The following PPTC7 variants were observed in gnomAD, a reference collection of about 807,000 sequenced individuals.
The protein encoded by PPTC7 is protein phosphatase PTC7 homolog.
PPTC7 carries 6 observed loss-of-function variants against 30.8 expected under a neutral mutation model. The observed-to-expected ratio is 0.19, with a 90% CI of 0.11 to 0.38. PPTC7 has a LOEUF of 0.38. Ranked by LOEUF, PPTC7 falls within the 10% of genes least tolerant of loss-of-function variation. PPTC7 has a pLI of 1.00. For missense variants in PPTC7, 218 were observed against 404.8 expected, an observed-to-expected ratio of 0.54 and a Z score of 3.96; for synonymous variants, 163 against 168.1, an observed-to-expected ratio of 0.97 and a Z score of 0.23.
intron 1 of PPTC7, among the ~76,000 whole-genome samples, chr12:110,580,395 G>A (rs2064626634): frequency 6.6e-6 from 1 of 152,184 alleles, no homozygotes. Context: ...CTGGAGTGCA[G>A]TGGTGTGATC....
chr12:110,551,440 G>A (rs1018070207), intron 2 of PPTC7, among the ~76,000 whole-genome samples: 8 of 152,260 alleles, frequency 5.3e-5, no homozygotes, highest in African/African-American at 1.9e-4. Context: ...CCACCTCCCG[G>A]GGTTCAAGTG....
At position 110,536,647 on chromosome 12, in the gene PPTC7, TTG is replaced by T. The variant is rs2064220413; in HGVS notation, c.*388_*389del. 5.7e-6 allele frequency: 1 copy of T among 176,122 alleles called. No individual in the cohort carries two copies. Among genetic ancestry groups the T allele is most frequent in the Non-Finnish European group, 1.2e-5 (1 of 84,300 alleles). 10.9% of individuals were successfully genotyped at this position (176,122 alleles called of 1,614,324 possible). A position where few individuals can be genotyped will look rare whatever the true frequency, so the allele number is the denominator to read the frequency against. On this transcript the variant is annotated 3_prime_UTR_variant, in exon 6 of 6. Coordinates refer to ENST00000354300, the MANE Select transcript of PPTC7 (RefSeq NM_139283.2). Reference sequence around the variant, plus strand: ...TAGTAGATGTATCATTACGTACAATTTGTGTTAGACTTGTACCATCCCTTTAG... The same window carrying T: ...TAGTAGATGTATCATTACGTACAATTTGTTAGACTTGTACCATCCCTTTAG...
Position 110,583,038 on chromosome 12 carries a change from C to T in PPTC7, c.-7G>A. ...ACGAGAGGACCGAGAACATCGCCGCCGCCGCCCCCCCGAGGAGGCGGGGGG... is the reference window on the plus strand; with the variant it reads ...ACGAGAGGACCGAGAACATCGCCGCTGCCGCCCCCCCGAGGAGGCGGGGGG... On this transcript the variant is annotated 5_prime_UTR_variant, in exon 1 of 6. Coordinates refer to ENST00000354300, the MANE Select transcript of PPTC7 (RefSeq NM_139283.2). The T allele has an allele frequency of 7.2e-7, 1 of 1,395,258 alleles. No homozygotes were observed. Among genetic ancestry groups the T allele is most frequent in the South Asian group, 1.6e-5 (1 of 61,636 alleles). 86.4% of individuals were successfully genotyped at this position (1,395,258 alleles called of 1,614,324 possible). A position where few individuals can be genotyped will look rare whatever the true frequency, so the allele number is the denominator to read the frequency against.
chr12:110,573,238 T>C (rs1012402696), intron 1 of PPTC7, among the ~76,000 whole-genome samples: 1 of 152,176 alleles, frequency 6.6e-6, no homozygotes, highest in Non-Finnish European at 1.5e-5. Context: ...ACCCAGGAAT[T>C]CCTCTTCAAG....
intron 1 of PPTC7, among the ~76,000 whole-genome samples, chr12:110,574,141 T>TAAAAAA (rs58133391): frequency 9.3e-4 from 35 of 37,444 alleles, no homozygotes; most frequent in South Asian, 1.3e-3. Flanking sequence ...CCACAATAAT[T>TAAAAAA]AAAAAAAAAA....
At chr12:110,581,413 GAAAA>G (rs796539590) in intron 1 of PPTC7, among the ~76,000 whole-genome samples, 1 of 143,972 alleles carries the variant, frequency 6.9e-6, no homozygotes, top group Non-Finnish European at 1.5e-5. Flanking sequence ...GACTCCGTCT[GAAAA>G]AAAAAAACGC....
At chr12:110,544,285 A>G (rs1334069064) in intron 3 of PPTC7, among the ~76,000 whole-genome samples, 2 of 152,376 alleles carry the variant, frequency 1.3e-5, no homozygotes, top group East Asian at 3.9e-4. Context: ...AAAGATGGCA[A>G]TAATAATTCA....
At chr12:110,560,740 T>C (rs1593156946) in intron 1 of PPTC7, among the ~76,000 whole-genome samples, 1 of 152,322 alleles carries the variant, frequency 6.6e-6, no homozygotes, top group African/African-American at 2.4e-5. Flanking sequence ...GAAAAACAAT[T>C]TGATTTTGTC....
chr12:110,539,561 T>G (rs576738421), intron 4 of PPTC7, among the ~76,000 whole-genome samples: 8 of 152,310 alleles, frequency 5.3e-5, no homozygotes, highest in African/African-American at 1.9e-4. Flanking sequence ...CCCGACACCA[T>G]TAAAATATAA....
At chr12:110,573,837 C>G (rs939094712) in intron 1 of PPTC7, among the ~76,000 whole-genome samples, 2 of 152,012 alleles carry the variant, frequency 1.3e-5, no homozygotes, top group East Asian at 3.9e-4. Context: ...CAAAATTAGT[C>G]GGGTGTGGTG....
intron 1 of PPTC7, among the ~76,000 whole-genome samples, chr12:110,579,093 G>A (rs1489170677): frequency 1.3e-5 from 2 of 151,828 alleles, no homozygotes; most frequent in South Asian, 2.1e-4. Context: ...AGGTTGCAGC[G>A]AGCCAAAATC....
At chr12:110,568,040 CATG>C (rs2064500007) in intron 1 of PPTC7, among the ~76,000 whole-genome samples, 1 of 129,676 alleles carries the variant, frequency 7.7e-6, no homozygotes, top group Non-Finnish European at 1.6e-5. Context: ...AATTCCTTAA[CATG>C]ATAATTTAGT....
At chr12:110,544,577 T>C (rs1022472791) in intron 3 of PPTC7, among the ~76,000 whole-genome samples, 1 of 152,240 alleles carries the variant, frequency 6.6e-6, no homozygotes, top group African/African-American at 2.4e-5. Context: ...GGCTCATGCC[T>C]GTAATCCCAG....
intron 1 of PPTC7, among the ~76,000 whole-genome samples, chr12:110,580,252 T>C (rs572027803): frequency 1.3e-4 from 20 of 152,356 alleles, no homozygotes; most frequent in African/African-American, 4.6e-4. Context: ...CATGAAATTA[T>C]GTTTATACTT....
At chr12:110,555,311 C>A (rs977538520) in intron 1 of PPTC7, among the ~76,000 whole-genome samples, 3 of 152,172 alleles carry the variant, frequency 2.0e-5, no homozygotes, top group African/African-American at 7.2e-5. Context: ...AGGGCAATTC[C>A]AAATTAGCTA....
Position 110,546,080 on chromosome 12 carries a change from T to A in PPTC7, c.404-2A>T. On this transcript the variant is annotated splice_acceptor_variant, in intron 2 of 5. Transcript: ENST00000354300. LOFTEE classifies it high-confidence loss of function. ...CCACAATGCAGGCGGTGCTGCTACC[T>A]AGAAACAAAAATCATCTCCATTTAT... 1 of 1,612,472 alleles carries A rather than the reference T, an allele frequency of 6.2e-7. No individual in the cohort carries two copies. The highest frequency in any genetic ancestry group is 8.5e-7 in the Non-Finnish European group (1 of 1,178,956).
At chr12:110,550,471 C>A (rs2064342098) in intron 2 of PPTC7, among the ~76,000 whole-genome samples, 1 of 151,858 alleles carries the variant, frequency 6.6e-6, no homozygotes, top group South Asian at 2.1e-4. Flanking sequence ...ACCTCATGAT[C>A]CGCCCACCTC....
intron 1 of PPTC7, among the ~76,000 whole-genome samples, chr12:110,565,440 G>A (rs909211531): frequency 6.6e-5 from 10 of 151,982 alleles, no homozygotes; most frequent in Admixed American, 3.9e-4. Context: ...ATTTTTAGTA[G>A]AGACGGGGTT....
At chr12:110,558,627 G>A (rs1247924536) in intron 1 of PPTC7, among the ~76,000 whole-genome samples, 1 of 152,180 alleles carries the variant, frequency 6.6e-6, no homozygotes, top group Non-Finnish European at 1.5e-5. Context: ...TAGTGTTTTT[G>A]TTTGTTTTTG....
Sources: allele counts gnomAD v4.1 joint callset (sites outside exome capture counted in the v4.1 genomes callset), GRCh38; gene constraint gnomAD v4.1.1; transcripts MANE v1.5; gene names NCBI Gene and HGNC (gene_info 2026-07-23, HGNC 2026-07-21).